Variants in PUM1 observed in about 807,000 individuals in gnomAD.
PUM1 encodes pumilio RNA binding family member 1, also known as pumilio homolog 1.
A neutral mutation model predicts 131.8 loss-of-function variants in PUM1; 13 were observed. The observed-to-expected ratio is 0.10, with a 90% CI of 0.06 to 0.16. The LOEUF (loss-of-function observed/expected upper bound fraction) is 0.16, where lower values mean the gene tolerates loss of function less well. Among genes scored for constraint, PUM1 ranks in the 10% least tolerant of loss-of-function variants. The pLI is 1.00. For synonymous variants in PUM1, 509 were observed against 556.5 expected, an observed-to-expected ratio of 0.91 and a Z score of 1.20; for missense variants, 961 against 1,512.4, an observed-to-expected ratio of 0.64 and a Z score of 6.05.
At chr1:30,985,506 G>C (rs1641517350) in intron 7 of PUM1, among the ~76,000 whole-genome samples, 1 of 151,982 alleles carries the variant, frequency 6.6e-6, no homozygotes, top group South Asian at 2.1e-4. Flanking sequence ...TACAAAATTA[G>C]CCGGGAGTGG....
intron 18 of PUM1, 36 bp from the exon 19 acceptor site, chr1:30,942,159 G>C: frequency 7.1e-7 from 1 of 1,403,998 alleles, no homozygotes; most frequent in Non-Finnish European, 9.5e-7. Flanking sequence ...AAGCAAAAAT[G>C]ACAGTCACCA....
chr1:31,038,955 A>ATT (rs1491512059), intron 2 of PUM1, among the ~76,000 whole-genome samples: 6 of 53,994 alleles, frequency 1.1e-4, no homozygotes, highest in Non-Finnish European at 1.7e-4. Flanking sequence ...ATGTTTTAAA[A>ATT]TTTTATATAT....
chr1:30,981,259 C>A lies in PUM1; in HGVS notation c.1252+53G>T, dbSNP rs373113258. 506 of 1,175,048 alleles carry A rather than the reference C, an allele frequency of 4.3e-4. 3 individuals carry two copies. In the South Asian group the frequency reaches 6.9e-3, roughly 16 times the overall value. The allele number at this position is 1,175,048 out of a possible 1,614,324, so 72.8% of individuals were successfully genotyped here. On this transcript the variant is annotated intron_variant, in intron 8 of 21. Coordinates refer to ENST00000426105, the MANE Select transcript of PUM1 (RefSeq NM_001020658.2). ...ACTGGGTTTCACAGCAACCAGTTAT[C>A]CTAAAATGGCGGCCACACCTATCAT...
intron 18 of PUM1, among the ~76,000 whole-genome samples, chr1:30,943,629 G>A (rs1206252078): frequency 1.3e-5 from 2 of 152,092 alleles, no homozygotes; most frequent in Non-Finnish European, 2.9e-5. Flanking sequence ...AGAGAATAAT[G>A]GTGTTTAAAC....
Position 30,992,562 on chromosome 1 carries a change from T to C in PUM1, c.986A>G (p.Asn329Ser), listed in dbSNP as rs761672816. ...GAAATCCTCCACAGGCTTGGCACCA[T>C]TGGTGCTGGTCAGCTGGGCTAAGCC... ...SEGLAQLTST[N>S]GAKPVEDFSN... Residue 329 changes from asparagine (N) to serine (S), a missense_variant, in exon 7 of 22, where the codon AAT becomes AGT. By Grantham distance (46) the Asn-to-Ser change is conservative. Transcript: ENST00000426105. The C allele has an allele frequency of 1.1e-5, 18 of 1,614,210 alleles. No individual in the cohort carries two copies. The Admixed American group carries it at 1.5e-4, about 13-fold the overall frequency.
chr1:30,989,190 A>T lies in PUM1; in HGVS notation c.1158+3200T>A, dbSNP rs990528980. Among the ~76,000 whole-genome samples the T allele has an allele frequency of 2.4e-4, 37 of 152,106 alleles. 1 individual carries two copies. Among genetic ancestry groups the T allele is most frequent in the African/African-American group, 8.2e-4 (34 of 41,412 alleles). ...CAGACTGACTACTTCTACATTATCTACTGAACACATATCTGTTTTACTATT... is the reference window on the plus strand; with the variant it reads ...CAGACTGACTACTTCTACATTATCTTCTGAACACATATCTGTTTTACTATT... On this transcript the variant is annotated intron_variant, in intron 7 of 21. Coordinates refer to ENST00000426105, the MANE Select transcript of PUM1 (RefSeq NM_001020658.2).
chr1:30,984,346 G>A (rs765114212), intron 7 of PUM1, among the ~76,000 whole-genome samples: 1 of 152,190 alleles, frequency 6.6e-6, no homozygotes, highest in Non-Finnish European at 1.5e-5. Flanking sequence ...ATTGGCAAGT[G>A]ACAGATTCCA....
chr1:31,009,782 A>AAAAAAAAAAAAAAAAAAAAC (rs375044466), intron 3 of PUM1, among the ~76,000 whole-genome samples: 4 of 125,368 alleles, frequency 3.2e-5, no homozygotes, highest in African/African-American at 1.3e-4. Context: ...AAAAAAAAAA[A>AAAAAAAAAAAAAAAAAAAAC]AAAAACAAAA....
rs890109862 is a variant in PUM1, at chr1:30,932,527, C to T, written c.*684G>A. The T allele has an allele frequency of 5.9e-5, 9 of 151,724 alleles. No homozygotes were observed. Among genetic ancestry groups the T allele is most frequent in the African/African-American group, 2.2e-4 (9 of 41,330 alleles). The allele number at this position is 151,724 out of a possible 1,614,324, so 9.4% of individuals were successfully genotyped here. On this transcript the variant is annotated 3_prime_UTR_variant, in exon 22 of 22. Coordinates refer to ENST00000426105, the MANE Select transcript of PUM1 (RefSeq NM_001020658.2). The stretch of plus-strand genomic sequence containing the variant: ...GACGTTCTGGGTGCTCGCATCTCCT[C>T]CTCACGAACAGCCTTCTTCAGCATA...
At chr1:30,997,249 C>T (rs576106477) in intron 5 of PUM1, among the ~76,000 whole-genome samples, 1 of 152,326 alleles carries the variant, frequency 6.6e-6, no homozygotes, top group Admixed American at 6.5e-5. Flanking sequence ...CGCAGTGGCT[C>T]ACACCTATAA....
In PUM1 at chr1:30,950,132, C is replaced by T. The variant is rs781368928; in HGVS notation, c.2851G>A (p.Val951Ile). Residue 951 changes from valine (V) to isoleucine (I), a missense_variant, in exon 17 of 22, where the codon GTA becomes ATA. Val to Ile is a conservative substitution (Grantham distance 29). Coordinates refer to ENST00000426105, the MANE Select transcript of PUM1 (RefSeq NM_001020658.2). The part of the protein sequence containing the change: ...ALEFIPSDQQ[V>I]INEMVRELDG... The stretch of plus-strand genomic sequence containing the variant: ...AAGTTAAAGGGGAAACTTACAATTA[C>T]CTGCTGGTCTGAAGGAATAAACTCA... The T allele has an allele frequency of 1.2e-6, 2 of 1,611,126 alleles. No individual in the cohort carries two copies. The highest frequency in any genetic ancestry group is 1.7e-5 in the Admixed American group (1 of 59,594).
chr1:30,964,082 T>C (rs1640527246), intron 14 of PUM1, among the ~76,000 whole-genome samples: 1 of 152,174 alleles, frequency 6.6e-6, no homozygotes, highest in Admixed American at 6.5e-5. Context: ...TTCTAGAATC[T>C]AGATGGTAAT....
intron 14 of PUM1, among the ~76,000 whole-genome samples, chr1:30,957,379 C>T (rs898799721): frequency 6.6e-6 from 1 of 152,122 alleles, no homozygotes. Context: ...ATTTAGATGG[C>T]GAATGCACAA....
chr1:31,019,930 A>T (rs565226497), intron 3 of PUM1, among the ~76,000 whole-genome samples: 1 of 151,974 alleles, frequency 6.6e-6, no homozygotes, highest in Non-Finnish European at 1.5e-5. Context: ...TTAGATTCAG[A>T]GAGCAAATGT....
chr1:31,019,480 A>AATAC (rs1247578731), intron 3 of PUM1, among the ~76,000 whole-genome samples: 1 of 152,252 alleles, frequency 6.6e-6, no homozygotes, highest in Non-Finnish European at 1.5e-5. Context: ...CACACCAAAG[A>AATAC]ATACAACCCT....
intron 9 of PUM1, among the ~76,000 whole-genome samples, chr1:30,975,855 G>C (rs1641115563): frequency 6.6e-6 from 1 of 151,984 alleles, no homozygotes; most frequent in African/African-American, 2.4e-5. Context: ...GCCAAGTTGG[G>C]TGGATCACTT....
chr1:30,975,840 G>A (rs117176659), intron 9 of PUM1, among the ~76,000 whole-genome samples: 257 of 152,048 alleles, frequency 1.7e-3, no homozygotes, highest in East Asian at 0.011. Flanking sequence ...CCAGCATTAC[G>A]GGAGGCCAAG....
chr1:31,032,484 T>G (rs936678444), intron 2 of PUM1, among the ~76,000 whole-genome samples: 16 of 152,212 alleles, frequency 1.1e-4, no homozygotes, highest in African/African-American at 3.1e-4. Flanking sequence ...TAGCAATCTA[T>G]TTGAGTCTCA....
intron 14 of PUM1, among the ~76,000 whole-genome samples, chr1:30,963,761 T>G (rs916073315): frequency 1.3e-5 from 2 of 152,128 alleles, no homozygotes; most frequent in Admixed American, 6.5e-5. Context: ...CCCAGGACAG[T>G]CCTGATTTAG....
Sources: allele counts gnomAD v4.1 joint callset (sites outside exome capture counted in the v4.1 genomes callset), GRCh38; gene constraint gnomAD v4.1.1; transcripts MANE v1.5; gene names NCBI Gene and HGNC (gene_info 2026-07-23, HGNC 2026-07-21).